HAPSTR1: variants seen among roughly 807,000 people sequenced by gnomAD.
HAPSTR1 encodes the protein HUWE1 associated protein modifying stress responses.
At chr16:9,094,183 G>C in the HAPSTR1 span, among the ~76,000 whole-genome samples, 11 of 152,126 alleles carry the variant, frequency 7.2e-5, no homozygotes, top group Non-Finnish European at 1.6e-4. Context: ...TAACAAAGTG[G>C]TGAAAAGAAA....
At chr16:9,096,955 T>G in the HAPSTR1 span, among the ~76,000 whole-genome samples, 2 of 152,226 alleles carry the variant, frequency 1.3e-5, no homozygotes, top group Non-Finnish European at 2.9e-5. Flanking sequence ...TTTTTTCCTT[T>G]TTTGGAGACG....
chr16:9,108,541 G>A, the HAPSTR1 span: 4 of 152,244 alleles, frequency 2.6e-5, no homozygotes, highest in Admixed American at 6.5e-5. Flanking sequence ...TGGGATTTCT[G>A]TCTACGACGT....
the HAPSTR1 span, chr16:9,103,279 T>C: frequency 6.2e-7 from 1 of 1,600,352 alleles, no homozygotes; most frequent in Non-Finnish European, 8.5e-7. Flanking sequence ...TTTAAACATA[T>C]TTCTTTGGAA....
the HAPSTR1 span, chr16:9,112,960 GT>G: frequency 6.9e-6 from 1 of 144,764 alleles, no homozygotes. Context: ...GAAAAAGTAT[GT>G]TTTTGTAGAA....
the HAPSTR1 span, chr16:9,105,892 C>A: frequency 6.6e-6 from 1 of 152,204 alleles, no homozygotes; most frequent in African/African-American, 2.4e-5. Context: ...TAAGAGAGGA[C>A]AGTTTTCCCT....
the HAPSTR1 span, among the ~76,000 whole-genome samples, chr16:9,100,416 T>TGG: frequency 1.3e-5 from 2 of 151,670 alleles, no homozygotes; most frequent in African/African-American, 4.9e-5. Context: ...CTTCACAGGA[T>TGG]ATTTTTTTTT....
the HAPSTR1 span, chr16:9,119,439 T>C: frequency 6.6e-6 from 1 of 152,256 alleles, no homozygotes; most frequent in Non-Finnish European, 1.5e-5. Context: ...AGCCAGATTC[T>C]CTGATTCTTT....
chr16:9,091,953 C>G, the HAPSTR1 span: 5 of 1,142,834 alleles, frequency 4.4e-6, no homozygotes, highest in Non-Finnish European at 5.8e-6. Context: ...CAGGCCCTGC[C>G]GCCGGGCCGC....
the HAPSTR1 span, chr16:9,103,351 T>C: frequency 6.6e-6 from 9 of 1,359,422 alleles, no homozygotes; most frequent in Non-Finnish European, 8.9e-6. Context: ...CCAGATATAC[T>C]GTTTTTTGTC....
chr16:9,114,379 G>A, the HAPSTR1 span, among the ~76,000 whole-genome samples: 1 of 152,154 alleles, frequency 6.6e-6, no homozygotes, highest in Non-Finnish European at 1.5e-5. Flanking sequence ...TTTCAAGGAG[G>A]GGGAAAGAGG....
the HAPSTR1 span, chr16:9,105,747 G>C: frequency 4.1e-4 from 63 of 152,326 alleles, no homozygotes; most frequent in African/African-American, 1.5e-3. Context: ...GAAGGTTTTG[G>C]AGTTTTACAT....
the HAPSTR1 span, chr16:9,104,769 T>C: frequency 1.6e-4 from 25 of 152,236 alleles, no homozygotes; most frequent in African/African-American, 6.0e-4. Context: ...CTGTTTATGC[T>C]GAATTAGAGA....
At chr16:9,103,359 G>C in the HAPSTR1 span, 1 of 1,269,294 alleles carries the variant, frequency 7.9e-7, no homozygotes, top group Non-Finnish European at 1.1e-6. Context: ...ACTGTTTTTT[G>C]TCTTACAGTA....
chr16:9,110,767 A>G, the HAPSTR1 span: 2 of 152,286 alleles, frequency 1.3e-5, no homozygotes, highest in African/African-American at 2.4e-5. Flanking sequence ...CTGGGGCAGC[A>G]TGGCTCACGC....
the HAPSTR1 span, chr16:9,111,278 TA>T: frequency 6.6e-6 from 1 of 152,250 alleles, no homozygotes. Flanking sequence ...GGTAGCTGTT[TA>T]AAAGTAAAAT....
At chr16:9,113,027 G>GTTTTTTTTTTTTTTTTTTTTTTT in the HAPSTR1 span, 4 of 128,280 alleles carry the variant, frequency 3.1e-5, no homozygotes, top group Non-Finnish European at 3.4e-5. Context: ...TGTTTTTTTT[G>GTTTTTTTTTTTTTTTTTTTTTTT]TTTTTTTTTG....
the HAPSTR1 span, chr16:9,107,299 A>C: frequency 6.6e-6 from 1 of 152,232 alleles, no homozygotes; most frequent in Non-Finnish European, 1.5e-5. Context: ...ACATAGAGCG[A>C]TTCCTTTTTC....
At chr16:9,105,193 G>A in the HAPSTR1 span, 7 of 152,208 alleles carry the variant, frequency 4.6e-5, no homozygotes, top group East Asian at 1.3e-3. Flanking sequence ...ACAGTTGAAG[G>A]GACTGTTTAT....
the HAPSTR1 span, chr16:9,091,894 G>C: frequency 3.7e-6 from 2 of 536,154 alleles, no homozygotes; most frequent in Non-Finnish European, 5.7e-6. Context: ...GCCGGCCGTC[G>C]GGGTGCAGGA....
Sources: allele counts gnomAD v4.1 joint callset (sites outside exome capture counted in the v4.1 genomes callset), GRCh38; gene constraint gnomAD v4.1.1; transcripts MANE v1.5; gene names NCBI Gene and HGNC (gene_info 2026-07-23, HGNC 2026-07-21).